Variants in SORBS3 observed in about 807,000 individuals in gnomAD.
SORBS3 encodes the protein vinexin.
A neutral mutation model predicts 98.0 loss-of-function variants in SORBS3; 69 were observed. The ratio of observed to expected loss-of-function variants is 0.70; its 90% CI spans 0.58 to 0.86. The LOEUF is 0.86. Ranked by LOEUF, SORBS3 falls within the 40% of genes least tolerant of loss-of-function variation. The pLI is 0.00. For missense variants in SORBS3, 954 were observed against 908.5 expected (o/e 1.05, Z -0.64); for synonymous variants, 394 against 355.4 (o/e 1.11, Z -1.22).
intron 16 of SORBS3, 54 bp downstream of exon 16, chr8:22,567,229 G>A: frequency 7.8e-7 from 1 of 1,289,066 alleles, no homozygotes; most frequent in Non-Finnish European, 1.1e-6. Flanking sequence ...CGCAGGGGTT[G>A]GGAGAGACTT....
chr8:22,556,955 A>C, intron 4 of SORBS3, 47 bp downstream of exon 4: 1 of 1,597,464 alleles, frequency 6.3e-7, no homozygotes. Context: ...CCAGGGATCT[A>C]CAGGGAGCTG....
chr8:22,572,446 G>C lies in SORBS3; in HGVS notation c.1954G>C (p.Gly652Arg). The change falls in exon 20 of 21, where the codon GGT becomes CGT. Residue 652 changes from glycine (G) to arginine (R), a missense_variant and splice_region_variant. Gly to Arg is a moderately radical substitution (Grantham distance 125). Coordinates refer to ENST00000240123, the MANE Select transcript of SORBS3 (RefSeq NM_005775.5). ...GCAGTGTGACGATGGCTGGTTTGTG[G>C]GTATGTGGGCAGGCCGGGAGGGGGC... is the stretch of plus-strand genomic sequence containing the variant. ...MQQCDDGWFV[G>R]VSRRTQKFGT... 6.2e-7 allele frequency: 1 copy of C among 1,612,672 alleles called. No homozygotes were observed. Among genetic ancestry groups the C allele is most frequent in the Non-Finnish European group, 8.5e-7 (1 of 1,178,992 alleles).
intron 10 of SORBS3, chr8:22,564,975 A>G: frequency 7.4e-7 from 1 of 1,353,436 alleles, no homozygotes; most frequent in Non-Finnish European, 9.5e-7. Flanking sequence ...GGGGAACCCC[A>G]TTGGTGCTGT....
At chr8:22,573,211 C>G (rs1240385253) in intron 20 of SORBS3, 4 of 414,548 alleles carry the variant, frequency 9.6e-6, no homozygotes, top group Admixed American at 2.6e-5. Context: ...TAAGCACTAG[C>G]CTGTGAATGG....
Position 22,561,903 on chromosome 8 carries a change from A to G in SORBS3, c.556A>G (p.Arg186Gly), listed in dbSNP as rs1840303351. 6.2e-7 allele frequency: 1 copy of G among 1,614,104 alleles called. No individual in the cohort carries two copies. The highest frequency in any genetic ancestry group is 1.1e-5 in the South Asian group (1 of 91,084). ...HLGAQQRPAH[R>G]PGPATSSSGR... is the part of the protein sequence containing the mutation. ...AGGAGCCCAGCAAAGACCTGCCCAC[A>G]GGCCCGGCCCGGCAACATCTTCCAG... is the stretch of plus-strand genomic sequence containing the variant. Residue 186 changes from arginine (R) to glycine (G), a missense_variant, in exon 7 of 21, where the codon AGG becomes GGG. Arg to Gly is a moderately radical substitution (Grantham distance 125, BLOSUM62 -2). Transcript: ENST00000240123.
At chr8:22,566,768 G>C in intron 14 of SORBS3, 54 bp from the exon 15 acceptor site, 1 of 1,613,492 alleles carries the variant, frequency 6.2e-7, no homozygotes, top group South Asian at 1.1e-5. Flanking sequence ...CTGCCATCCT[G>C]GATCTGCCAC....
chr8:22,569,101 A>G (rs937438416), intron 16 of SORBS3, 47 bp from the exon 17 acceptor site: 30 of 1,573,486 alleles, frequency 1.9e-5, no homozygotes, highest in Non-Finnish European at 2.3e-5. Context: ...AGCCTGTGCT[A>G]TGTTGATGCC....
At chr8:22,551,504 C>T (rs571949905), upstream of SORBS3, among the ~76,000 whole-genome samples, 14 of 152,270 alleles carry the variant, frequency 9.2e-5, no homozygotes, top group South Asian at 2.9e-3. The surrounding 1 kb of genome is among the most constrained non-coding windows in gnomAD (Gnocchi z 5.8). Context: ...TTCCCACACT[C>T]TGGAAATGTC....
rs1840577465 is a variant in SORBS3, at chr8:22,571,280, C to A, written c.1743+59C>A. 3.0e-6 allele frequency: 3 copies of A among 996,688 alleles called. No homozygotes were observed. In the Admixed American group the frequency reaches 7.1e-5, roughly 24 times the overall value. 61.7% of individuals were successfully genotyped at this position (996,688 alleles called of 1,614,324 possible). On this transcript the variant is annotated intron_variant, in intron 18 of 20. Coordinates refer to ENST00000240123, the MANE Select transcript of SORBS3 (RefSeq NM_005775.5). ...TCCTCCTCACCCCTCATCCCCCACCCCCGTGACTTGTCCACACTTGGGACT... is the reference window on the plus strand; with the variant it reads ...TCCTCCTCACCCCTCATCCCCCACCACCGTGACTTGTCCACACTTGGGACT...
chr8:22,549,242 G>A (rs1035538882), upstream of SORBS3, among the ~76,000 whole-genome samples: 10 of 152,210 alleles, frequency 6.6e-5, no homozygotes, highest in African/African-American at 2.4e-4. Flanking sequence ...CAGGGGAGTC[G>A]TGCATGCAAA....
At chr8:22,565,082 C>T in intron 10 of SORBS3, 186 bp from the exon 11 acceptor site, 7 of 1,433,800 alleles carry the variant, frequency 4.9e-6, no homozygotes, top group Non-Finnish European at 5.5e-6. Flanking sequence ...AGGTGAGAGG[C>T]CGTGGCGGGG....
At chr8:22,561,554 G>A (rs1840295561) in intron 6 of SORBS3, 181 bp downstream of exon 6, 1 of 669,438 alleles carries the variant, frequency 1.5e-6, no homozygotes. Context: ...GTAATTAACA[G>A]CCTCAGCTTG....
At chr8:22,551,822 G>T, upstream of SORBS3, 1 of 985,452 alleles carries the variant, frequency 1.0e-6, no homozygotes, top group South Asian at 4.7e-5. The surrounding 1 kb of genome is among the most constrained non-coding windows in gnomAD (Gnocchi z 5.8). Context: ...TCCGGCCTCC[G>T]GCGCGCGCCC....
chr8:22,545,019 A>C (rs896438686), exon 1 of SORBS3: 4 of 152,228 alleles, frequency 2.6e-5, no homozygotes, highest in Admixed American at 2.6e-4. Context: ...GGGTGAACCC[A>C]GGGCCCATCT....
In SORBS3 at chr8:22,567,480, T is replaced by C. The variant is rs75082025; in HGVS notation, c.1305+305T>C. On this transcript the variant is annotated intron_variant, in intron 16 of 20. Transcript: ENST00000240123. Reference sequence around the variant, plus strand: ...AAGCTGTCTTTGGAAATCATCCTAATGGCAACTAGCAAGAGTGGGAAGTGT... The same window carrying C: ...AAGCTGTCTTTGGAAATCATCCTAACGGCAACTAGCAAGAGTGGGAAGTGT... 5.9e-3 allele frequency among the ~76,000 whole-genome samples: 899 copies of C among 152,328 alleles called. 10 individuals carry two copies. The highest frequency in any genetic ancestry group is 0.021 in the African/African-American group (855 of 41,574).
chr8:22,564,145 G>A (rs1332867272), intron 8 of SORBS3, 68 bp downstream of exon 8: 8 of 1,536,322 alleles, frequency 5.2e-6, no homozygotes, highest in African/African-American at 1.4e-5. Flanking sequence ...CCTATGCCAC[G>A]ATGTCCTTTC....
intron 10 of SORBS3, 195 bp from the exon 11 acceptor site, chr8:22,565,073 G>A: frequency 7.0e-7 from 1 of 1,433,432 alleles, no homozygotes; most frequent in Non-Finnish European, 9.1e-7. Flanking sequence ...GTGCTGGGCA[G>A]GTGAGAGGCC....
chr8:22,549,146 T>C (rs1291257986), upstream of SORBS3, among the ~76,000 whole-genome samples: 1 of 152,176 alleles, frequency 6.6e-6, no homozygotes, highest in African/African-American at 2.4e-5. Flanking sequence ...CTCAGGTGGC[T>C]CTGAGAAGGC....
In SORBS3 at chr8:22,554,925, C is replaced by T. The variant is rs1223717952; in HGVS notation, c.165C>T (p.Pro55=). The stretch of plus-strand genomic sequence containing the variant: ...ATTTCCAGTTCCACGACCCCGCGCC[C>T]AGGACTGTGTGCAATGGGGGCTACA... ...TLNFQFHDPA[P]RTVCNGGYTP... The change falls in exon 3 of 21, where the codon CCC becomes CCT. Residue 55 remains proline, a synonymous_variant. Transcript: ENST00000240123. The surrounding 1 kb of genome is among the most constrained non-coding windows in gnomAD (Gnocchi z 6.5). The T allele has an allele frequency of 6.2e-7, 1 of 1,613,772 alleles. No individual in the cohort carries two copies. The highest frequency in any genetic ancestry group is 1.7e-5 in the Admixed American group (1 of 60,022).
Sources: allele counts gnomAD v4.1 joint callset (sites outside exome capture counted in the v4.1 genomes callset), GRCh38; gene constraint gnomAD v4.1.1; non-coding constraint Gnocchi (gnomAD v3.1); transcripts MANE v1.5; gene names NCBI Gene and HGNC (gene_info 2026-07-23, HGNC 2026-07-21).